ARHGAP26: variants seen among roughly 807,000 people sequenced by gnomAD.
The protein encoded by ARHGAP26 is rho GTPase-activating protein 26.
A neutral mutation model predicts 104.8 loss-of-function variants in ARHGAP26; 38 were observed. The observed-to-expected ratio is 0.36, with a 90% CI of 0.28 to 0.48. The LOEUF (loss-of-function observed/expected upper bound fraction) is 0.48, where lower values mean the gene tolerates loss of function less well. ARHGAP26 is among the 20% of genes least tolerant of loss of function. ARHGAP26 has a pLI of 0.99. For missense variants in ARHGAP26, 704 were observed against 947.9 expected (o/e 0.74, Z 3.38); for synonymous variants, 341 against 340.0 (o/e 1.00, Z -0.03).
At chr5:143,092,619 T>TA in intron 17 of ARHGAP26, among the ~76,000 whole-genome samples, 1 of 152,218 alleles carries the variant, frequency 6.6e-6, no homozygotes, top group East Asian at 1.9e-4. Context: ...GTAGGTGGAC[T>TA]AGACTGTCTA....
At chr5:142,848,419 C>T (rs1053480072) in intron 1 of ARHGAP26, among the ~76,000 whole-genome samples, 1 of 152,150 alleles carries the variant, frequency 6.6e-6, no homozygotes, top group African/African-American at 2.4e-5. Flanking sequence ...GTGTGTGGCC[C>T]TGTGGTTTTC....
At chr5:142,896,255 ACAGTG>A (rs1216931815) in intron 6 of ARHGAP26, among the ~76,000 whole-genome samples, 1 of 152,252 alleles carries the variant, frequency 6.6e-6, no homozygotes, top group Non-Finnish European at 1.5e-5. Flanking sequence ...GAGAAAAAGA[ACAGTG>A]CATTTCTAAT....
intron 1 of ARHGAP26, among the ~76,000 whole-genome samples, chr5:142,829,311 G>A (rs1166938875): frequency 2.6e-5 from 4 of 152,194 alleles, no homozygotes; most frequent in Non-Finnish European, 4.4e-5. Context: ...GAAACCGTCT[G>A]TTTGGATCTG....
intron 11 of ARHGAP26, among the ~76,000 whole-genome samples, chr5:142,986,387 C>T (rs916676698): frequency 3.3e-5 from 5 of 152,012 alleles, no homozygotes; most frequent in African/African-American, 9.7e-5. Context: ...TGTTTAAGTT[C>T]TTTGTAGATT....
chr5:143,214,026 A>C lies in ARHGAP26; in HGVS notation c.2129A>C (p.Tyr710Ser). The C allele has an allele frequency of 6.3e-7, 1 of 1,591,478 alleles. No individual in the cohort carries two copies. The highest frequency in any genetic ancestry group is 8.6e-7 in the Non-Finnish European group (1 of 1,165,276). Residue 710 changes from tyrosine (Y) to serine (S), a missense_variant, in exon 22 of 23, where the codon TAT (tyrosine) becomes TCT (serine). Coordinates refer to ENST00000645722, the MANE Select transcript of ARHGAP26 (RefSeq NM_001135608.3). ...STPFRKAKAL[Y>S]ACKAEHDSEL... ...CCGTTCCGGAAGGCAAAAGCCTTGT[A>C]TGCCTGCAAAGCTGAACATGACTCA...
In ARHGAP26 at chr5:143,153,618, C is replaced by G. The variant is rs1378409979; in HGVS notation, c.1988+6237C>G. On this transcript the variant is annotated intron_variant, in intron 20 of 22. Transcript: ENST00000645722. ...TACTAGGTAAATGCCTTCTTTAGAC[C>G]ACAAAGATTGAAAGATTGAAAGAAA... Among the ~76,000 whole-genome samples, 6 of 152,112 alleles carry G rather than the reference C, an allele frequency of 3.9e-5. No individual in the cohort carries two copies. The East Asian group carries it at 9.6e-4, about 24-fold the overall frequency.
intron 4 of ARHGAP26, among the ~76,000 whole-genome samples, chr5:142,884,368 C>T (rs950399032): frequency 6.6e-6 from 1 of 152,090 alleles, no homozygotes; most frequent in Admixed American, 6.5e-5. Context: ...CCACAGTGAC[C>T]CAATGATTCA....
intron 13 of ARHGAP26, chr5:143,041,565 T>G (rs367685562): frequency 1.3e-5 from 5 of 380,292 alleles, no homozygotes; most frequent in Non-Finnish European, 2.0e-5. Flanking sequence ...AAGGAAAGCT[T>G]CTTTCGCCGC....
At chr5:143,175,819 A>T (rs1219818200) in intron 20 of ARHGAP26, among the ~76,000 whole-genome samples, 1 of 152,332 alleles carries the variant, frequency 6.6e-6, no homozygotes, top group East Asian at 1.9e-4. Flanking sequence ...CTCATCTGAA[A>T]TATGGCACAA....
chr5:143,222,058 G>A (rs372150511), intron 22 of ARHGAP26, among the ~76,000 whole-genome samples: 5 of 152,232 alleles, frequency 3.3e-5, no homozygotes, highest in East Asian at 1.9e-4. Flanking sequence ...CAGAAAATCC[G>A]TGAAACCCCT....
intron 10 of ARHGAP26, 31 bp from the exon 11 acceptor site, chr5:142,932,016 T>G: frequency 1.0e-5 from 16 of 1,606,330 alleles, no homozygotes; most frequent in Non-Finnish European, 1.4e-5. Flanking sequence ...GTGGCACTGG[T>G]TTCATATCCA....
At chr5:142,998,577 T>C (rs1009843619) in intron 11 of ARHGAP26, among the ~76,000 whole-genome samples, 1 of 152,188 alleles carries the variant, frequency 6.6e-6, no homozygotes, top group African/African-American at 2.4e-5. Context: ...GAGGCTTGGC[T>C]AGGCACTGTG....
At chr5:142,922,107 C>T (rs1246321317) in intron 10 of ARHGAP26, 1 of 152,182 alleles carries the variant, frequency 6.6e-6, no homozygotes, top group Non-Finnish European at 1.5e-5. Flanking sequence ...GTTGTTGATA[C>T]ATGCTTCAAA....
At position 143,142,484 on chromosome 5, in the gene ARHGAP26, T is replaced by G. The variant is rs1251167715; in HGVS notation, c.1838-4747T>G. Among the ~76,000 whole-genome samples the G allele has an allele frequency of 2.1e-5, 3 of 145,304 alleles. No homozygotes were observed. The East Asian group carries it at 5.8e-4, about 28-fold the overall frequency. On this transcript the variant is annotated intron_variant, in intron 19 of 22. Transcript: ENST00000645722. ...TAGAGTCTATCATCACCCAAACTCC[T>G]TTTTAAGATTTTTTTAAAAAAAAAA... is the stretch of plus-strand genomic sequence containing the variant.
At chr5:142,997,606 C>G (rs1376692515) in intron 11 of ARHGAP26, among the ~76,000 whole-genome samples, 19 of 139,600 alleles carry the variant, frequency 1.4e-4, no homozygotes, top group Admixed American at 1.2e-3. Context: ...TTAGTAGAGA[C>G]AAGGTCTCAC....
chr5:143,214,582 C>T (rs188817721), intron 22 of ARHGAP26, among the ~76,000 whole-genome samples: 27 of 152,330 alleles, frequency 1.8e-4, no homozygotes, highest in Middle Eastern at 3.4e-3. Context: ...CACCTGATTC[C>T]GTGGGTCCTG....
chr5:142,915,037 G>C (rs2152488931), intron 10 of ARHGAP26, among the ~76,000 whole-genome samples: 1 of 152,288 alleles, frequency 6.6e-6, no homozygotes, highest in Non-Finnish European at 1.5e-5. Context: ...TTTGCTTTCT[G>C]AAGCTGAATT....
intron 20 of ARHGAP26, among the ~76,000 whole-genome samples, chr5:143,193,316 C>T (rs1192590036): frequency 3.6e-5 from 5 of 139,592 alleles, no homozygotes; most frequent in South Asian, 2.2e-4. Context: ...GGCACGATCT[C>T]GGCTCACTGC....
chr5:143,160,641 A>G (rs1801114800), intron 20 of ARHGAP26, among the ~76,000 whole-genome samples: 1 of 151,962 alleles, frequency 6.6e-6, no homozygotes, highest in Non-Finnish European at 1.5e-5. Context: ...ATGTGCCACC[A>G]TACCCAGCTA....
Sources: allele counts gnomAD v4.1 joint callset (sites outside exome capture counted in the v4.1 genomes callset), GRCh38; gene constraint gnomAD v4.1.1; transcripts MANE v1.5; gene names NCBI Gene and HGNC (gene_info 2026-07-23, HGNC 2026-07-21).